Variants in AP3D1 observed in about 807,000 individuals in gnomAD.
AP3D1 encodes AP-3 complex subunit delta-1.
In AP3D1, 51 loss-of-function variants were observed where a neutral mutation model predicts 147.6. The observed-to-expected ratio is 0.35, with a 90% confidence interval of 0.28 to 0.44. The LOEUF is 0.44. Among genes scored for constraint, AP3D1 ranks in the 20% least tolerant of loss-of-function variants. The pLI is 1.00. For missense variants in AP3D1, 1,421 were observed against 1,624.2 expected, an observed-to-expected ratio of 0.87 and a Z score of 2.15; for synonymous variants, 760 against 663.0, an observed-to-expected ratio of 1.15 and a Z score of -2.25.
At chr19:2,117,048 C>A in intron 16 of AP3D1, 174 bp downstream of exon 16, 5 of 908,802 alleles carry the variant, frequency 5.5e-6, no homozygotes, top group Non-Finnish European at 7.9e-6. Flanking sequence ...AGCCAGATCC[C>A]AGAACCAGTG....
chr19:2,151,581 C>G (rs1399084497), upstream of AP3D1: 1 of 156,126 alleles, frequency 6.4e-6, no homozygotes, highest in Non-Finnish European at 1.4e-5. Context: ...CAGCTGACGA[C>G]GAGCGCCCGG....
chr19:2,135,293 T>C (rs1288109344), intron 4 of AP3D1, among the ~76,000 whole-genome samples: 2 of 150,328 alleles, frequency 1.3e-5, no homozygotes, highest in African/African-American at 4.9e-5. Context: ...CCCAGCACTT[T>C]GGGAAGCCAA....
chr19:2,146,360 T>C (rs1449169016), intron 1 of AP3D1, among the ~76,000 whole-genome samples: 1 of 152,180 alleles, frequency 6.6e-6, no homozygotes, highest in Non-Finnish European at 1.5e-5. Context: ...TCCCAGCACT[T>C]TGGGAGGCCA....
At chr19:2,113,095 T>A in intron 23 of AP3D1, 128 bp from the exon 24 acceptor site, 1 of 684,512 alleles carries the variant, frequency 1.5e-6, no homozygotes. Flanking sequence ...CACAGTGCCC[T>A]CCGAGTGACA....
In AP3D1 at chr19:2,160,392, G is replaced by A. The variant is rs370132799; in HGVS notation, c.-103+3964C>T. On this transcript the variant is annotated intron_variant, in intron 1 of 14. Coordinates refer to the AP3D1 transcript ENST00000643010. ...AAAAATACAAAAATCAGCCGGGAGT[G>A]GTGGCGCATGCCTGTAATCCCCGCT... 2.7e-4 allele frequency among the ~76,000 whole-genome samples: 41 copies of A among 152,276 alleles called. No homozygotes were observed. In the South Asian group the frequency reaches 7.9e-3, roughly 29 times the overall value.
At chr19:2,113,153 C>G in intron 23 of AP3D1, 183 bp downstream of exon 23, 1 of 628,120 alleles carries the variant, frequency 1.6e-6, no homozygotes, top group Non-Finnish European at 2.8e-6. Context: ...CTTCCCCTGG[C>G]CCCTGCTTGG....
In AP3D1 at chr19:2,151,465, G is replaced by A. The variant is rs906798706; in HGVS notation, c.-131C>T. Reference sequence around the variant, plus strand: ...GCGGCGGGGCAAGCTCCCAGGCCAGGGCGGCGGCGGGGTCCAAGGACCGCG... The same window carrying A: ...GCGGCGGGGCAAGCTCCCAGGCCAGAGCGGCGGCGGGGTCCAAGGACCGCG... On this transcript the variant is annotated 5_prime_UTR_variant, in exon 1 of 32. Coordinates refer to ENST00000643116, the MANE Select transcript of AP3D1 (RefSeq NM_001261826.3). The A allele has an allele frequency of 1.1e-3, 486 of 428,068 alleles. 4 individuals carry two copies. The highest frequency in any genetic ancestry group is 9.9e-3 in the East Asian group (67 of 6,734). The allele number at this position is 428,068 out of a possible 1,614,324, so 26.5% of individuals were successfully genotyped here.
Position 2,118,724 on chromosome 19 carries a change from G to A in AP3D1, c.1590C>T (p.Tyr530=), listed in dbSNP as rs779760635. 1.4e-5 allele frequency: 22 copies of A among 1,613,538 alleles called. No homozygotes were observed. Among genetic ancestry groups the A allele is most frequent in the African/African-American group, 2.7e-5 (2 of 74,942 alleles). Reference sequence around the variant, plus strand: ...GCTCCTTCTGCTGCAGGATGGAGGCGTAGAGCTTGACCACGTTCTGCACAT... The same window carrying A: ...GCTCCTTCTGCTGCAGGATGGAGGCATAGAGCTTGACCACGTTCTGCACAT... The part of the protein sequence containing the change: ...AVYVQNVVKL[Y]ASILQQKEQA... Residue 530 remains tyrosine (Y), a synonymous_variant, in exon 15 of 32, where the codon TAC becomes TAT. Coordinates refer to ENST00000643116, the MANE Select transcript of AP3D1 (RefSeq NM_001261826.3).
At chr19:2,117,439 T>C (rs1471434639) in intron 15 of AP3D1, 72 bp from the exon 16 acceptor site, 12 of 1,472,900 alleles carry the variant, frequency 8.1e-6, no homozygotes, top group African/African-American at 2.8e-5. Context: ...GGACACGGGG[T>C]GGCTCAGCCC....
At chr19:2,105,499 G>A (rs548331221) in intron 31 of AP3D1, among the ~76,000 whole-genome samples, 2 of 152,122 alleles carry the variant, frequency 1.3e-5, no homozygotes, top group Non-Finnish European at 1.5e-5. Context: ...CCTTTAATTC[G>A]GCCCATCCAT....
Position 2,127,441 on chromosome 19 carries a change from G to A in AP3D1, c.807-240C>T, listed in dbSNP as rs192167894. Among the ~76,000 whole-genome samples the A allele has an allele frequency of 7.9e-4, 120 of 152,356 alleles. 3 individuals are homozygous for A. In the East Asian group the frequency reaches 0.017, roughly 22 times the overall value. ...ACTGCAGGCCCGTGACAGCATCCAC[G>A]CAGGGACGGACCACGCACCCCCGGC... On this transcript the variant is annotated intron_variant, in intron 8 of 31. Coordinates refer to ENST00000643116, the MANE Select transcript of AP3D1 (RefSeq NM_001261826.3).
chr19:2,109,020 TAGGA>T, intron 30 of AP3D1, 62 bp downstream of exon 30: 1 of 1,587,430 alleles, frequency 6.3e-7, no homozygotes, highest in Non-Finnish European at 8.5e-7. Context: ...CCGGCTCCAA[TAGGA>T]AGGGACAGCT....
chr19:2,118,902 T>C, intron 14 of AP3D1, 70 bp from the exon 15 acceptor site: 1 of 1,442,690 alleles, frequency 6.9e-7, no homozygotes, highest in Non-Finnish European at 9.5e-7. Context: ...GGTGAGGACC[T>C]AGGAGGCCTG....
chr19:2,121,638 G>A (rs902920873), intron 12 of AP3D1, 96 bp downstream of exon 12: 4 of 1,456,226 alleles, frequency 2.7e-6, no homozygotes, highest in Non-Finnish European at 3.6e-6. Context: ...CGAGTGTGAG[G>A]GGACTCCATG....
At chr19:2,102,728 AAAATAAATAAAT>A (rs148548478) in intron 31 of AP3D1, among the ~76,000 whole-genome samples, 22,814 of 129,474 alleles carry the variant, frequency 0.18, 2,091 homozygotes, top group African/African-American at 0.2. Flanking sequence ...ACTGTCTCAA[AAAATAAATAAAT>A]AAATAAATAA....
chr19:2,110,295 G>A, intron 27 of AP3D1, 71 bp from the exon 28 acceptor site: 1 of 1,308,826 alleles, frequency 7.6e-7, no homozygotes, highest in Non-Finnish European at 1.1e-6. Flanking sequence ...CTCCAGGTCT[G>A]TCCTCAGTCC....
chr19:2,164,174 C>G (rs2144619914), intron 1 of AP3D1: 2 of 1,200,084 alleles, frequency 1.7e-6, no homozygotes, highest in Non-Finnish European at 2.1e-6. Context: ...GCGGCGGCCG[C>G]GCGCGCGGAC....
upstream of AP3D1, among the ~76,000 whole-genome samples, chr19:2,153,657 A>G (rs1003132044): frequency 6.6e-6 from 1 of 151,586 alleles, no homozygotes; most frequent in South Asian, 2.1e-4. Flanking sequence ...CCTGGGAGAC[A>G]GAGCAAGATT....
At chr19:2,114,622 G>GCCCCCCCCCCCCCCCCCCCCCCCC in intron 21 of AP3D1, 126 bp downstream of exon 21, 1 of 665,750 alleles carries the variant, frequency 1.5e-6, no homozygotes, top group Non-Finnish European at 2.7e-6. Context: ...TCTGGGGAAG[G>GCCCCCCCCCCCCCCCCCCCCCCCC]CCCGCCCGCA....
Sources: gnomAD v4.1 joint callset for allele counts (sites outside exome capture counted in the v4.1 genomes callset) on GRCh38, gnomAD v4.1.1 for gene constraint, MANE v1.5 for transcripts, NCBI Gene and HGNC (gene_info 2026-07-23, HGNC 2026-07-21) for gene names.